Variants in CIMIP2C observed in about 807,000 individuals in gnomAD.
CIMIP2C encodes the protein UPF0573 protein C2orf70.
At chr2:26,574,120 G>A in the CIMIP2C span, among the ~76,000 whole-genome samples, 6 of 152,360 alleles carry the variant, frequency 3.9e-5, no homozygotes, top group South Asian at 4.1e-4. Flanking sequence ...AGTAGGGGAC[G>A]GAGTTACATC....
At chr2:26,562,946 G>C in the CIMIP2C span, 1 of 516,398 alleles carries the variant, frequency 1.9e-6, no homozygotes, top group Non-Finnish European at 3.4e-6. Context: ...AGGGCATAAG[G>C]GACCTCGCAT....
chr2:26,571,580 G>A, the CIMIP2C span, among the ~76,000 whole-genome samples: 1 of 152,178 alleles, frequency 6.6e-6, no homozygotes, highest in Non-Finnish European at 1.5e-5. Context: ...GCAGGTTCCT[G>A]ATAAATTAAT....
At chr2:26,562,926 C>T in the CIMIP2C span, 2 of 558,552 alleles carry the variant, frequency 3.6e-6, no homozygotes, top group Non-Finnish European at 6.3e-6. Context: ...GCAAGTGGGG[C>T]ACAGCCAGCA....
the CIMIP2C span, among the ~76,000 whole-genome samples, chr2:26,566,301 C>CT: frequency 6.6e-6 from 1 of 152,208 alleles, no homozygotes; most frequent in Non-Finnish European, 1.5e-5. Context: ...TGTCACTGAG[C>CT]TGGACCTCGG....
At chr2:26,573,321 G>C in the CIMIP2C span, among the ~76,000 whole-genome samples, 1 of 152,208 alleles carries the variant, frequency 6.6e-6, no homozygotes, top group East Asian at 1.9e-4. Flanking sequence ...CTTCCCCTCT[G>C]CCTATAAACG....
the CIMIP2C span, among the ~76,000 whole-genome samples, chr2:26,568,920 C>T: frequency 1.3e-5 from 2 of 150,958 alleles, no homozygotes; most frequent in African/African-American, 4.9e-5. Flanking sequence ...ACTTGGGAGG[C>T]TGAGGCAGGA....
chr2:26,578,554 G>T, the CIMIP2C span: 4 of 297,358 alleles, frequency 1.3e-5, no homozygotes, highest in Non-Finnish European at 2.7e-5. Context: ...TGGCCTGGAT[G>T]GTTGGAGGCA....
the CIMIP2C span, chr2:26,578,858 G>C: frequency 2.1e-6 from 1 of 471,682 alleles, no homozygotes; most frequent in Non-Finnish European, 4.4e-6. Context: ...AAGAGGGTCA[G>C]TGACAGGCCT....
chr2:26,569,299 C>T, the CIMIP2C span, among the ~76,000 whole-genome samples: 1 of 152,146 alleles, frequency 6.6e-6, no homozygotes, highest in Admixed American at 6.5e-5. Context: ...AGCAAATAGC[C>T]TCTTCAGCTG....
At chr2:26,568,335 A>G in the CIMIP2C span, among the ~76,000 whole-genome samples, 1 of 152,152 alleles carries the variant, frequency 6.6e-6, no homozygotes, top group Non-Finnish European at 1.5e-5. Context: ...TGGAGGATTC[A>G]TAAGCCACGT....
the CIMIP2C span, among the ~76,000 whole-genome samples, chr2:26,574,098 AG>A: frequency 6.6e-6 from 1 of 152,236 alleles, no homozygotes; most frequent in African/African-American, 2.4e-5. Flanking sequence ...GAAAGACCCC[AG>A]AAGAGGTGAG....
the CIMIP2C span, among the ~76,000 whole-genome samples, chr2:26,573,899 T>G: frequency 6.6e-6 from 1 of 152,210 alleles, no homozygotes; most frequent in Admixed American, 6.5e-5. Flanking sequence ...TTGAGGGTGG[T>G]GGGACCAGGA....
the CIMIP2C span, chr2:26,579,465 T>C: frequency 6.2e-7 from 1 of 1,607,808 alleles, no homozygotes; most frequent in Non-Finnish European, 8.5e-7. Context: ...CAGAGCCTGA[T>C]GCCTGAGATC....
At chr2:26,576,863 G>A in the CIMIP2C span, among the ~76,000 whole-genome samples, 4 of 152,222 alleles carry the variant, frequency 2.6e-5, no homozygotes, top group African/African-American at 4.8e-5. Context: ...GGCCTGAGCT[G>A]GCCCTTATGC....
chr2:26,574,133 G>A, the CIMIP2C span, among the ~76,000 whole-genome samples: 1 of 152,240 alleles, frequency 6.6e-6, no homozygotes, highest in Non-Finnish European at 1.5e-5. Flanking sequence ...GTTACATCTA[G>A]ATGGCTGCGA....
At chr2:26,572,918 C>T in the CIMIP2C span, among the ~76,000 whole-genome samples, 43 of 152,234 alleles carry the variant, frequency 2.8e-4, no homozygotes, top group Non-Finnish European at 5.4e-4. Context: ...AGCATCTCCC[C>T]ATCACTTGTC....
At chr2:26,569,029 A>G in the CIMIP2C span, among the ~76,000 whole-genome samples, 2 of 151,684 alleles carry the variant, frequency 1.3e-5, no homozygotes, top group African/African-American at 4.8e-5. Flanking sequence ...AAAAAAAAAA[A>G]AAGAAAAGAA....
the CIMIP2C span, among the ~76,000 whole-genome samples, chr2:26,565,995 G>A: frequency 7.5e-4 from 115 of 152,348 alleles, no homozygotes; most frequent in South Asian, 7.9e-3. Flanking sequence ...TTGGGTCAGA[G>A]CCCCTGAGAT....
At chr2:26,570,052 A>C in the CIMIP2C span, among the ~76,000 whole-genome samples, 1 of 152,222 alleles carries the variant, frequency 6.6e-6, no homozygotes, top group Non-Finnish European at 1.5e-5. Context: ...CCATGTGTGC[A>C]AGTGTGTGAG....
Sources: allele counts gnomAD v4.1 joint callset (sites outside exome capture counted in the v4.1 genomes callset), GRCh38; gene constraint gnomAD v4.1.1; transcripts MANE v1.5; gene names NCBI Gene and HGNC (gene_info 2026-07-23, HGNC 2026-07-21).